CNTNAP5: variants seen among roughly 807,000 people sequenced by gnomAD.
The protein encoded by CNTNAP5 is contactin associated protein family member 5.
CNTNAP5 carries 72 observed loss-of-function variants against 150.2 expected under a neutral mutation model. The observed-to-expected ratio is 0.48, with a 90% CI of 0.40 to 0.58. The LOEUF is 0.58. Ranked by LOEUF, CNTNAP5 falls within the 20% of genes least tolerant of loss-of-function variation. The pLI, the probability that CNTNAP5 is intolerant of heterozygous loss-of-function variation, is 0.00. For missense variants in CNTNAP5, 1,636 were observed against 1,626.2 expected (o/e 1.01, Z -0.10); for synonymous variants, 672 against 619.8 (o/e 1.08, Z -1.25).
intron 21 of CNTNAP5, among the ~76,000 whole-genome samples, chr2:124,880,148 A>G (rs1677937424): frequency 6.6e-6 from 1 of 152,164 alleles, no homozygotes; most frequent in African/African-American, 2.4e-5. Flanking sequence ...ACAGATTAAC[A>G]TAACGTAAAG....
chr2:124,440,181 T>C (rs1692638847), intron 5 of CNTNAP5, among the ~76,000 whole-genome samples: 1 of 152,132 alleles, frequency 6.6e-6, no homozygotes, highest in Non-Finnish European at 1.5e-5. Flanking sequence ...TTAACTTGTG[T>C]GAGAAGCTTA....
chr2:124,324,008 A>T (rs1398199723), intron 3 of CNTNAP5, among the ~76,000 whole-genome samples: 2 of 152,148 alleles, frequency 1.3e-5, no homozygotes, highest in African/African-American at 4.8e-5. Context: ...TGGGAAAAGT[A>T]GAGAGCATTA....
chr2:124,201,537 C>T lies in CNTNAP5; in HGVS notation c.83-20168C>T, dbSNP rs572450813. Among the ~76,000 whole-genome samples the T allele has an allele frequency of 5.3e-5, 8 of 152,348 alleles. No individual in the cohort carries two copies. In the East Asian group the frequency reaches 5.8e-4, roughly 11 times the overall value. The stretch of plus-strand genomic sequence containing the variant: ...GGTAAATAGAGTATTCAAGGGTATA[C>T]ATCTAAAACCCTGCTTCTTTTAACA... On this transcript the variant is annotated intron_variant, in intron 1 of 23. Coordinates refer to ENST00000682447, the MANE Select transcript of CNTNAP5 (RefSeq NM_001367498.1).
At chr2:124,070,841 G>A (rs1467044164) in intron 1 of CNTNAP5, among the ~76,000 whole-genome samples, 2 of 151,896 alleles carry the variant, frequency 1.3e-5, no homozygotes, top group African/African-American at 4.8e-5. Flanking sequence ...GCACTGTACA[G>A]CAAATGGATC....
intron 4 of CNTNAP5, among the ~76,000 whole-genome samples, chr2:124,433,564 C>T (rs554222188): frequency 8.6e-5 from 13 of 151,806 alleles, no homozygotes; most frequent in African/African-American, 3.1e-4. Flanking sequence ...GAAAATCCCA[C>T]CCCCTCCACA....
chr2:124,035,024 TC>T (rs1558732455), intron 1 of CNTNAP5, among the ~76,000 whole-genome samples: 148 of 47,236 alleles, frequency 3.1e-3, no homozygotes, highest in Non-Finnish European at 4.1e-3. Context: ...CTCCCTCCCT[TC>T]CTTCCTTCCT....
chr2:124,357,521 A>C (rs370903065), intron 3 of CNTNAP5, among the ~76,000 whole-genome samples: 3 of 152,030 alleles, frequency 2.0e-5, no homozygotes, highest in African/African-American at 7.2e-5. Context: ...AGCTTTCTAC[A>C]TATGGCTAGC....
intron 3 of CNTNAP5, among the ~76,000 whole-genome samples, chr2:124,407,279 G>A (rs1283317314): frequency 6.6e-6 from 1 of 152,044 alleles, no homozygotes; most frequent in Non-Finnish European, 1.5e-5. Flanking sequence ...TTCTACTTTT[G>A]TATTAGCATT....
At chr2:124,904,432 A>T (rs900572001) in intron 22 of CNTNAP5, among the ~76,000 whole-genome samples, 1 of 152,212 alleles carries the variant, frequency 6.6e-6, no homozygotes, top group South Asian at 2.1e-4. Flanking sequence ...CAGTAAACAC[A>T]AGTGCAGAAA....
At chr2:124,641,623 A>G (rs1353391990) in intron 12 of CNTNAP5, among the ~76,000 whole-genome samples, 1 of 152,222 alleles carries the variant, frequency 6.6e-6, no homozygotes, top group Admixed American at 6.5e-5. Flanking sequence ...CACTTTGTCA[A>G]CATAGATAAC....
chr2:124,559,730 T>C (rs13431001), intron 10 of CNTNAP5, among the ~76,000 whole-genome samples: 2,484 of 152,282 alleles, frequency 0.016, 66 homozygotes, highest in African/African-American at 0.056. Context: ...AAAAGCCCAG[T>C]TAAAATGAGC....
intron 10 of CNTNAP5, among the ~76,000 whole-genome samples, chr2:124,540,018 A>G (rs1302729489): frequency 1.3e-5 from 2 of 152,162 alleles, no homozygotes; most frequent in African/African-American, 4.8e-5. Flanking sequence ...GAGAAATGCA[A>G]AGGGAACACA....
intron 19 of CNTNAP5, among the ~76,000 whole-genome samples, chr2:124,855,126 T>C (rs1040255211): frequency 3.3e-5 from 5 of 151,394 alleles, no homozygotes; most frequent in African/African-American, 1.2e-4. Flanking sequence ...TGGTAAGAAG[T>C]TGGACTTTCT....
intron 7 of CNTNAP5, among the ~76,000 whole-genome samples, chr2:124,484,949 T>A (rs1394774664): frequency 6.6e-6 from 1 of 152,176 alleles, no homozygotes; most frequent in Admixed American, 6.5e-5. Context: ...TAACCTTCTA[T>A]AAGTGTTCCT....
At chr2:124,656,919 T>C (rs1219799836) in intron 13 of CNTNAP5, among the ~76,000 whole-genome samples, 1 of 152,224 alleles carries the variant, frequency 6.6e-6, no homozygotes, top group East Asian at 1.9e-4. Flanking sequence ...TCTCTTCCTT[T>C]ATTAATTGTG....
intron 1 of CNTNAP5, among the ~76,000 whole-genome samples, chr2:124,121,182 G>A (rs904059968): frequency 5.3e-5 from 8 of 150,360 alleles, no homozygotes; most frequent in South Asian, 4.2e-4. Context: ...ATGCACACAC[G>A]CATACAGATG....
intron 7 of CNTNAP5, among the ~76,000 whole-genome samples, chr2:124,493,629 G>A (rs571790891): frequency 2.5e-4 from 38 of 152,004 alleles, no homozygotes; most frequent in African/African-American, 6.3e-4. Flanking sequence ...GTGAGCCACC[G>A]CATCCTGCCT....
At chr2:124,508,424 C>T (rs1342127433) in intron 8 of CNTNAP5, among the ~76,000 whole-genome samples, 5 of 152,170 alleles carry the variant, frequency 3.3e-5, no homozygotes, top group Non-Finnish European at 5.9e-5. Context: ...GTTTCTCTAT[C>T]GGTGAGATGT....
intron 11 of CNTNAP5, among the ~76,000 whole-genome samples, chr2:124,580,240 G>T (rs1273383071): frequency 6.6e-6 from 1 of 152,226 alleles, no homozygotes; most frequent in African/African-American, 2.4e-5. Context: ...GCGGGGAATT[G>T]TTAAATCAAG....
Sources: gnomAD v4.1 joint callset for allele counts (sites outside exome capture counted in the v4.1 genomes callset) on GRCh38, gnomAD v4.1.1 for gene constraint, MANE v1.5 for transcripts, NCBI Gene and HGNC (gene_info 2026-07-23, HGNC 2026-07-21) for gene names.